The following SUPT3H variants were observed in gnomAD, a reference collection of about 807,000 sequenced individuals.
The protein encoded by SUPT3H is SPT3 homolog, SAGA and STAGA complex component.
SUPT3H carries 44 observed loss-of-function variants against 44.3 expected under a neutral mutation model. The ratio of observed to expected loss-of-function variants is 0.99; its 90% CI spans 0.78 to 1.28. SUPT3H has a LOEUF of 1.28. SUPT3H is among the 50% of genes most tolerant of loss of function. SUPT3H has a pLI of 0.00. For missense variants in SUPT3H, 380 were observed against 387.1 expected (o/e 0.98, Z 0.15); for synonymous variants, 124 against 125.6 (o/e 0.99, Z 0.09).
At chr6:45,207,619 CTG>C (rs1763398685) in intron 2 of SUPT3H, among the ~76,000 whole-genome samples, 1 of 152,138 alleles carries the variant, frequency 6.6e-6, no homozygotes, top group African/African-American at 2.4e-5. Context: ...TTTCATATCT[CTG>C]TGTCATGTTT....
At chr6:44,848,189 C>T (rs534951080) in intron 10 of SUPT3H, among the ~76,000 whole-genome samples, 20 of 151,738 alleles carry the variant, frequency 1.3e-4, no homozygotes, top group Non-Finnish European at 1.9e-4. Flanking sequence ...AGGCTGGTCT[C>T]GAACTCCTAT....
intron 2 of SUPT3H, among the ~76,000 whole-genome samples, chr6:45,171,831 C>T (rs1810841006): frequency 6.9e-6 from 1 of 145,912 alleles, no homozygotes; most frequent in Admixed American, 7.2e-5. Flanking sequence ...GATTCTCCTG[C>T]CTCAGCCTCC....
intron 3 of SUPT3H, among the ~76,000 whole-genome samples, chr6:45,068,828 C>G (rs1356873506): frequency 2.0e-5 from 3 of 151,986 alleles, no homozygotes. Flanking sequence ...ACCAGCTTAA[C>G]CTGGGCTTTC....
intron 2 of SUPT3H, among the ~76,000 whole-genome samples, chr6:45,348,207 G>A (rs995540246): frequency 6.6e-6 from 1 of 151,986 alleles, no homozygotes; most frequent in African/African-American, 2.4e-5. Flanking sequence ...TAACATAGCA[G>A]TTAAAAGTCT....
chr6:45,154,642 G>A (rs1583875683), intron 2 of SUPT3H, among the ~76,000 whole-genome samples: 1 of 152,110 alleles, frequency 6.6e-6, no homozygotes, highest in Non-Finnish European at 1.5e-5. Context: ...CAGTTCAGAG[G>A]AACTTAGTCC....
chr6:45,350,575 G>GA (rs1425626794), intron 2 of SUPT3H, among the ~76,000 whole-genome samples: 1 of 152,154 alleles, frequency 6.6e-6, no homozygotes, highest in Non-Finnish European at 1.5e-5. Context: ...ACTAAATGTT[G>GA]AGAGTAGAAA....
chr6:44,903,725 C>A (rs900458632), intron 10 of SUPT3H, among the ~76,000 whole-genome samples: 2 of 152,036 alleles, frequency 1.3e-5, no homozygotes, highest in Non-Finnish European at 1.5e-5. Flanking sequence ...AGAGACACCA[C>A]CAAAAAAGAG....
chr6:45,184,788 A>G (rs1584115199), intron 2 of SUPT3H, among the ~76,000 whole-genome samples: 1 of 35,124 alleles, frequency 2.8e-5, no homozygotes, highest in Non-Finnish European at 5.8e-5. Flanking sequence ...AAAAAAAAAA[A>G]AAAAAAAAAA....
intron 6 of SUPT3H, among the ~76,000 whole-genome samples, chr6:44,993,579 G>A (rs1412673845): frequency 2.0e-5 from 3 of 152,034 alleles, no homozygotes; most frequent in South Asian, 2.1e-4. Context: ...AGTCACAGAC[G>A]GAAATCACTT....
intron 2 of SUPT3H, among the ~76,000 whole-genome samples, chr6:45,248,073 T>A (rs75984377): frequency 6.6e-6 from 1 of 152,026 alleles, no homozygotes; most frequent in African/African-American, 2.4e-5. Context: ...ACAAATGTAA[T>A]TCAAAATGAA....
intron 2 of SUPT3H, among the ~76,000 whole-genome samples, chr6:45,330,090 G>C (rs1483876364): frequency 1.3e-5 from 2 of 151,760 alleles, no homozygotes; most frequent in African/African-American, 4.8e-5. Flanking sequence ...TTCTCTTACA[G>C]GGTGAGGAAA....
chr6:45,099,694 C>A (rs966883043), intron 3 of SUPT3H, among the ~76,000 whole-genome samples: 1 of 151,914 alleles, frequency 6.6e-6, no homozygotes, highest in Non-Finnish European at 1.5e-5. Context: ...CAGAGCTATA[C>A]CAGTGTCAAT....
At chr6:45,281,128 G>A (rs7762045) in intron 2 of SUPT3H, among the ~76,000 whole-genome samples, 1,844 of 152,194 alleles carry the variant, frequency 0.012, 43 homozygotes, top group African/African-American at 0.042. Context: ...CAAGATGGCC[G>A]AATAGGAACA....
At position 45,120,163 on chromosome 6, in the gene SUPT3H, A is replaced by C. The variant is rs193298587; in HGVS notation, c.102-14157T>G. On this transcript the variant is annotated intron_variant, in intron 2 of 10. Coordinates refer to ENST00000371459, the MANE Select transcript of SUPT3H (RefSeq NM_003599.4). ...TCCCATCAGTCTGACTGCAAACTAA[A>C]AAAAACAAAAAACAAACAAACAAAA... Among the ~76,000 whole-genome samples, 9 of 152,164 alleles carry C rather than the reference A, an allele frequency of 5.9e-5. No homozygotes were observed. The East Asian group carries it at 1.5e-3, about 26-fold the overall frequency.
intron 3 of SUPT3H, among the ~76,000 whole-genome samples, chr6:45,053,773 G>A (rs1401272108): frequency 6.7e-6 from 1 of 150,352 alleles, no homozygotes; most frequent in Non-Finnish European, 1.5e-5. Context: ...AAATTAGCCG[G>A]GCGTGGTGAT....
Position 45,265,855 on chromosome 6 carries a change from C to T in SUPT3H, c.101+99346G>A, listed in dbSNP as rs551017281. Reference sequence around the variant, plus strand: ...CCTTAAAGTAGTTAAAAAGATCACACTATAACAATAAAATAGATGTTTGAG... The same window carrying T: ...CCTTAAAGTAGTTAAAAAGATCACATTATAACAATAAAATAGATGTTTGAG... On this transcript the variant is annotated intron_variant, in intron 2 of 10. Coordinates refer to ENST00000371459, the MANE Select transcript of SUPT3H (RefSeq NM_003599.4). Among the ~76,000 whole-genome samples the T allele has an allele frequency of 2.0e-5, 3 of 151,982 alleles. No homozygotes were observed. The East Asian group carries it at 5.8e-4, about 29-fold the overall frequency.
intron 11 of SUPT3H, among the ~76,000 whole-genome samples, chr6:44,817,573 G>A (rs570809106): frequency 2.0e-4 from 30 of 151,994 alleles, no homozygotes; most frequent in African/African-American, 6.0e-4. Flanking sequence ...AGAAAATCCC[G>A]AAGAAACTAT....
At chr6:45,117,437 G>C (rs1041180018) in intron 2 of SUPT3H, among the ~76,000 whole-genome samples, 1 of 152,194 alleles carries the variant, frequency 6.6e-6, no homozygotes, top group South Asian at 2.1e-4. Flanking sequence ...GTGAGCTCAT[G>C]CAAGTTCCTA....
chr6:45,264,218 T>C (rs922810298), intron 2 of SUPT3H, among the ~76,000 whole-genome samples: 3 of 152,122 alleles, frequency 2.0e-5, no homozygotes, highest in Admixed American at 6.5e-5. Flanking sequence ...AAAAAACTGA[T>C]TGGATCTTGA....
Sources: allele counts gnomAD v4.1 joint callset (sites outside exome capture counted in the v4.1 genomes callset), GRCh38; gene constraint gnomAD v4.1.1; transcripts MANE v1.5; gene names NCBI Gene and HGNC (gene_info 2026-07-23, HGNC 2026-07-21).